The following HEATR4 variants were observed in gnomAD, a reference collection of about 807,000 sequenced individuals.
The protein encoded by HEATR4 is HEAT repeat-containing protein 4.
HEATR4 carries 95 observed loss-of-function variants against 108.8 expected under a neutral mutation model. The observed-to-expected ratio is 0.87, with a 90% CI of 0.74 to 1.04. HEATR4 has a LOEUF of 1.04. HEATR4 is among the 50% of genes least tolerant of loss of function. The probability of loss-of-function intolerance (pLI) is 0.00; values close to 1 mark genes in which losing one functional copy is unlikely to be tolerated. For synonymous variants in HEATR4, 443 were observed against 459.4 expected (o/e 0.96, Z 0.46); for missense variants, 1,152 against 1,253.8 (o/e 0.92, Z 1.23).
At chr14:73,512,757 CTT>C (rs1393741016) in intron 6 of HEATR4, among the ~76,000 whole-genome samples, 1 of 152,196 alleles carries the variant, frequency 6.6e-6, no homozygotes, top group Non-Finnish European at 1.5e-5. Flanking sequence ...GCTAAATACT[CTT>C]TTGGCAGGTA....
chr14:73,611,671 C>T, the HEATR4 span: 1 of 152,082 alleles, frequency 6.6e-6, no homozygotes, highest in East Asian at 1.9e-4. Context: ...ACACATTAGC[C>T]CATTTAATGG....
chr14:73,579,362 G>A, the HEATR4 span, among the ~76,000 whole-genome samples: 1 of 149,328 alleles, frequency 6.7e-6, no homozygotes, highest in Non-Finnish European at 1.5e-5. Context: ...GGATCATGAG[G>A]TCGGGAGTCT....
At chr14:73,573,451 GGGC>G in the HEATR4 span, 1 of 1,613,530 alleles carries the variant, frequency 6.2e-7, no homozygotes, top group Non-Finnish European at 8.5e-7. Context: ...CTGGAGTATC[GGGC>G]TAGTCTGCTG....
chr14:73,524,322 T>A lies in HEATR4; in HGVS notation c.-72-1098A>T, dbSNP rs867592839. Among the ~76,000 whole-genome samples the A allele has an allele frequency of 9.0e-3, 1,165 of 129,450 alleles. 8 individuals are homozygous for A. Among genetic ancestry groups the A allele is most frequent in the Non-Finnish European group, 0.014 (912 of 63,266 alleles). 84.9% of individuals were successfully genotyped at this position (129,450 alleles called of 152,430 possible). ...AAAAAAAAAAAAAAATATATATATA[T>A]ATATATATATATATTATAGCTGTAA... On this transcript the variant is annotated intron_variant, in intron 2 of 17. Transcript: ENST00000553558.
chr14:73,592,398 A>G, the HEATR4 span: 4 of 1,538,956 alleles, frequency 2.6e-6, no homozygotes, highest in South Asian at 2.4e-5. Flanking sequence ...GGTGCGCGCC[A>G]CGCTCTTCCT....
intron 1 of HEATR4, among the ~76,000 whole-genome samples, chr14:73,556,589 TTGTC>T (rs1889399742): frequency 8.8e-6 from 1 of 114,064 alleles, no homozygotes; most frequent in Admixed American, 1.0e-4. Flanking sequence ...TGGCTTGTCT[TTGTC>T]TGTCTTGGAG....
intron 17 of HEATR4, chr14:73,490,987 G>C (rs1189774991): frequency 1.5e-6 from 2 of 1,333,418 alleles, no homozygotes; most frequent in Non-Finnish European, 1.9e-6. Context: ...CCCCCGGCCG[G>C]CCGGGCGGGG....
At chr14:73,600,778 G>A in the HEATR4 span, among the ~76,000 whole-genome samples, 2 of 152,066 alleles carry the variant, frequency 1.3e-5, no homozygotes, top group Non-Finnish European at 2.9e-5. Context: ...TAAAAACTTT[G>A]TGGGGTTTTC....
chr14:73,595,381 T>G, the HEATR4 span: 1 of 1,614,120 alleles, frequency 6.2e-7, no homozygotes, highest in Non-Finnish European at 8.5e-7. Flanking sequence ...ACTGGAGAAG[T>G]GAGTTGTATG....
chr14:73,493,125 C>T lies in HEATR4; in HGVS notation c.2786-1G>A, dbSNP rs201887859. 1 of 1,611,872 alleles carries T rather than the reference C, an allele frequency of 6.2e-7. No individual in the cohort carries two copies. Among genetic ancestry groups the T allele is most frequent in the Non-Finnish European group, 8.5e-7 (1 of 1,179,460 alleles). On this transcript the variant is annotated splice_acceptor_variant, in intron 16 of 17. Transcript: ENST00000553558. LOFTEE classifies it high-confidence loss of function. Reference sequence around the variant, plus strand: ...GGTCTTCTAGGAAGAACCATCTCATCTAGGTACAAAAGGAAAAGGAGAAGT... The same window carrying T: ...GGTCTTCTAGGAAGAACCATCTCATTTAGGTACAAAAGGAAAAGGAGAAGT...
the HEATR4 span, among the ~76,000 whole-genome samples, chr14:73,598,385 G>A: frequency 1.9e-3 from 269 of 143,588 alleles, 1 homozygote; most frequent in Non-Finnish European, 3.2e-3. Flanking sequence ...GCAAGACTCC[G>A]TCTCAAAAAA....
At chr14:73,631,559 G>C in the HEATR4 span, 1 of 159,910 alleles carries the variant, frequency 6.3e-6, no homozygotes, top group African/African-American at 2.4e-5. Context: ...TGCACAGACA[G>C]CCTCCCACAT....
chr14:73,509,935 G>T (rs555844432), intron 7 of HEATR4, among the ~76,000 whole-genome samples: 33 of 147,174 alleles, frequency 2.2e-4, no homozygotes, highest in Non-Finnish European at 3.3e-4. Context: ...GTGCAGTGGT[G>T]TGATCTCAGC....
the HEATR4 span, chr14:73,569,799 C>A: frequency 2.5e-6 from 4 of 1,603,224 alleles, no homozygotes; most frequent in African/African-American, 5.4e-5. Flanking sequence ...CCAGACGCGG[C>A]ACGAGCGCTA....
At chr14:73,503,088 T>C in intron 10 of HEATR4, 75 bp from the exon 11 acceptor site, 2 of 1,222,664 alleles carry the variant, frequency 1.6e-6, no homozygotes, top group East Asian at 4.7e-5. Flanking sequence ...TGCTGTTTTT[T>C]CTTCTTTTTT....
Position 73,509,349 on chromosome 14 carries a change from G to A in HEATR4, c.1683C>T (p.Pro561=). 1 of 1,614,070 alleles carries A rather than the reference G, an allele frequency of 6.2e-7. No individual in the cohort carries two copies. The highest frequency in any genetic ancestry group is 8.5e-7 in the Non-Finnish European group (1 of 1,180,014). The change falls in exon 8 of 18, where the codon CCC becomes CCT. Residue 561 remains proline (P), a synonymous_variant. Coordinates refer to ENST00000553558, the MANE Select transcript of HEATR4 (RefSeq NM_001220484.1). The part of the protein sequence containing the change: ...ICQYAIQSHN[P]LARNIMQTAL... The stretch of plus-strand genomic sequence containing the variant: ...CAGTCTGCATGATGTTCCGGGCAAG[G>A]GGATTATGTGACTGTATGGCATATT...
At chr14:73,511,411 C>G (rs1170688504) in intron 7 of HEATR4, among the ~76,000 whole-genome samples, 1 of 151,474 alleles carries the variant, frequency 6.6e-6, no homozygotes, top group Admixed American at 6.6e-5. Flanking sequence ...CCCAGCTACT[C>G]GGGAGACTAG....
At chr14:73,624,160 T>C in the HEATR4 span, among the ~76,000 whole-genome samples, 2 of 152,084 alleles carry the variant, frequency 1.3e-5, no homozygotes, top group African/African-American at 4.8e-5. Flanking sequence ...TCTTGCTCTG[T>C]TGCCCAGGCT....
the HEATR4 span, chr14:73,582,336 G>A: frequency 6.6e-6 from 1 of 150,782 alleles, no homozygotes; most frequent in Non-Finnish European, 1.5e-5. Flanking sequence ...GATAACAACT[G>A]GAACATTATA....
Sources: allele counts gnomAD v4.1 joint callset (sites outside exome capture counted in the v4.1 genomes callset), GRCh38; gene constraint gnomAD v4.1.1; transcripts MANE v1.5; gene names NCBI Gene and HGNC (gene_info 2026-07-23, HGNC 2026-07-21).